Variants in CDKL3 observed in about 807,000 individuals in gnomAD.
The protein encoded by CDKL3 is cyclin dependent kinase like 3.
In CDKL3, 65 loss-of-function variants were observed where a neutral mutation model predicts 69.3. That is an observed-to-expected ratio of 0.94 (90% confidence interval 0.77 to 1.15). The LOEUF is 1.15. Ranked by LOEUF, CDKL3 falls within the 50% of genes most tolerant of loss-of-function variation. The probability of loss-of-function intolerance (pLI) is 0.00; values close to 1 mark genes in which losing one functional copy is unlikely to be tolerated. For synonymous variants in CDKL3, 202 were observed against 221.6 expected, an observed-to-expected ratio of 0.91 and a Z score of 0.79; for missense variants, 652 against 689.2, an observed-to-expected ratio of 0.95 and a Z score of 0.61.
At chr5:134,304,164 A>G (rs1479672957) in intron 11 of CDKL3, among the ~76,000 whole-genome samples, 1 of 152,106 alleles carries the variant, frequency 6.6e-6, no homozygotes, top group African/African-American at 2.4e-5. Flanking sequence ...CCTGGGCCCA[A>G]GCAATCCTCC....
chr5:134,367,214 G>C, upstream of CDKL3: 1 of 985,812 alleles, frequency 1.0e-6, no homozygotes, highest in Non-Finnish European at 1.2e-6. Context: ...GTCCCGACCC[G>C]GAAGGGGAAG....
chr5:134,301,081 T>C (rs1766189747), intron 12 of CDKL3, among the ~76,000 whole-genome samples: 1 of 152,046 alleles, frequency 6.6e-6, no homozygotes, highest in Non-Finnish European at 1.5e-5. Context: ...CTGCGCAACC[T>C]CCGCCTCCCA....
intron 4 of CDKL3, among the ~76,000 whole-genome samples, chr5:134,345,457 GC>G (rs1751624779): frequency 6.6e-6 from 1 of 152,154 alleles, no homozygotes; most frequent in Non-Finnish European, 1.5e-5. Flanking sequence ...CCTTGAAAAG[GC>G]ACCTTTCACT....
intron 8 of CDKL3, among the ~76,000 whole-genome samples, chr5:134,287,452 C>T (rs1764919315): frequency 6.6e-6 from 1 of 152,166 alleles, no homozygotes; most frequent in South Asian, 2.1e-4. Context: ...AGCAGCAACC[C>T]ACTGAGCAAC....
intron 7 of CDKL3, 147 bp from the exon 8 acceptor site, chr5:134,308,874 A>G: frequency 1.4e-6 from 1 of 705,180 alleles, no homozygotes. Flanking sequence ...AGATGGCCCA[A>G]CATTTACCTA....
At chr5:134,335,941 G>C (rs1310485841) in intron 4 of CDKL3, among the ~76,000 whole-genome samples, 1 of 152,148 alleles carries the variant, frequency 6.6e-6, no homozygotes, top group African/African-American at 2.4e-5. Context: ...CATTCTCCCT[G>C]TCACTTTCAG....
chr5:134,308,158 A>G lies in CDKL3; in HGVS notation c.1344T>C (p.Asn448=), dbSNP rs963769216. Residue 448 remains asparagine, a synonymous_variant, in exon 9 of 13, where the codon AAT becomes AAC. Transcript: ENST00000265334. ...SNLMAANLSS[N]LFHPSVRLTE... is the part of the protein sequence containing the mutation. ...CTCACCTCACACTGGGGTGAAAGAG[A>G]TTTGAACTGAGATTTGCAGCCATCA... 6.2e-7 allele frequency: 1 copy of G among 1,612,890 alleles called. No homozygotes were observed.
chr5:134,320,597 C>T (rs1015959805), intron 5 of CDKL3, among the ~76,000 whole-genome samples: 5 of 151,916 alleles, frequency 3.3e-5, no homozygotes, highest in East Asian at 1.9e-4. Context: ...AAAATTTAGC[C>T]GGGCGCGGTG....
chr5:134,343,881 C>T (rs138577650), intron 4 of CDKL3, among the ~76,000 whole-genome samples: 130 of 152,326 alleles, frequency 8.5e-4, no homozygotes, highest in African/African-American at 2.5e-3. Context: ...AAACTCCAGT[C>T]TCCTGCACAC....
chr5:134,294,399 T>C (rs529887377), downstream of CDKL3, among the ~76,000 whole-genome samples: 2 of 152,244 alleles, frequency 1.3e-5, no homozygotes, highest in South Asian at 4.1e-4. Flanking sequence ...ATAGCTAGCA[T>C]CATACTTAGT....
downstream of CDKL3, among the ~76,000 whole-genome samples, chr5:134,294,294 G>A (rs894165036): frequency 3.9e-5 from 6 of 151,974 alleles, no homozygotes; most frequent in East Asian, 1.9e-4. Context: ...AAGGGCATTC[G>A]ACAAAATTCA....
rs374362090 is a variant in CDKL3, at chr5:134,366,536, C to A, written c.-13G>T. On this transcript the variant is annotated 5_prime_UTR_variant, in exon 2 of 13. Coordinates refer to ENST00000265334, the MANE Select transcript of CDKL3 (RefSeq NM_001113575.2). ...CATACATCTCCATTTTCAAGCTGGG[C>A]TTTTACTACTTTATAGAAATAAAGA... is the stretch of plus-strand genomic sequence containing the variant. 13 of 1,571,686 alleles carry A rather than the reference C, an allele frequency of 8.3e-6. No individual in the cohort carries two copies. Among genetic ancestry groups the A allele is most frequent in the Non-Finnish European group, 1.1e-5 (13 of 1,158,306 alleles).
chr5:134,317,584 A>C (rs1771495470), intron 6 of CDKL3, among the ~76,000 whole-genome samples: 1 of 152,114 alleles, frequency 6.6e-6, no homozygotes, highest in Non-Finnish European at 1.5e-5. Flanking sequence ...CGATCACACC[A>C]TTGCACTCCA....
At chr5:134,337,418 T>C (rs1338656318) in intron 4 of CDKL3, among the ~76,000 whole-genome samples, 4 of 152,222 alleles carry the variant, frequency 2.6e-5, no homozygotes, top group African/African-American at 9.6e-5. Context: ...AATGCAGAAA[T>C]TACCCATCTT....
At chr5:134,346,886 T>TA (rs977422238) in intron 4 of CDKL3, among the ~76,000 whole-genome samples, 15 of 152,270 alleles carry the variant, frequency 9.9e-5, no homozygotes, top group Middle Eastern at 3.4e-3. Flanking sequence ...ATGATATTTC[T>TA]AAAAAAATTA....
At chr5:134,329,005 A>G (rs1775081571) in intron 4 of CDKL3, among the ~76,000 whole-genome samples, 1 of 152,200 alleles carries the variant, frequency 6.6e-6, no homozygotes, top group African/African-American at 2.4e-5. Context: ...TACTGAATGA[A>G]GTTCTTAAGA....
At chr5:134,312,621 G>T (rs1388334389) in intron 6 of CDKL3, among the ~76,000 whole-genome samples, 1 of 152,164 alleles carries the variant, frequency 6.6e-6, no homozygotes, top group African/African-American at 2.4e-5. Flanking sequence ...CCAAAACAGA[G>T]GTCAGTCTGT....
intron 4 of CDKL3, among the ~76,000 whole-genome samples, chr5:134,346,335 A>G (rs1012591989): frequency 2.0e-5 from 3 of 152,238 alleles, no homozygotes; most frequent in Non-Finnish European, 4.4e-5. Context: ...AGCAAACAGC[A>G]TAAAATCAGA....
chr5:134,310,769 G>C (rs900423361), intron 7 of CDKL3, among the ~76,000 whole-genome samples: 1 of 152,238 alleles, frequency 6.6e-6, no homozygotes, highest in African/African-American at 2.4e-5. Flanking sequence ...TTACAGACAT[G>C]AGCTGCAGCA....
Sources: gnomAD v4.1 joint callset for allele counts (sites outside exome capture counted in the v4.1 genomes callset) on GRCh38, gnomAD v4.1.1 for gene constraint, MANE v1.5 for transcripts, NCBI Gene and HGNC (gene_info 2026-07-23, HGNC 2026-07-21) for gene names.